Variants in DYNC2H1 observed in about 807,000 individuals in gnomAD.
The protein encoded by DYNC2H1 is cytoplasmic dynein 2 heavy chain 1.
A neutral mutation model predicts 570.0 loss-of-function variants in DYNC2H1; 410 were observed. The ratio of observed to expected loss-of-function variants is 0.72; its 90% CI spans 0.66 to 0.78. DYNC2H1 has a LOEUF of 0.78. Among genes scored for constraint, DYNC2H1 ranks in the 30% least tolerant of loss-of-function variants. DYNC2H1 has a pLI of 0.00. For synonymous variants in DYNC2H1, 1,688 were observed against 1,677.6 expected (o/e 1.01, Z -0.15); for missense variants, 4,865 against 5,046.4 (o/e 0.96, Z 1.09).
At chr11:103,340,022 G>A (rs1271850022) in intron 82 of DYNC2H1, among the ~76,000 whole-genome samples, 3 of 152,170 alleles carry the variant, frequency 2.0e-5, no homozygotes, top group African/African-American at 7.2e-5. Flanking sequence ...GTGCTATGAC[G>A]CCTGGGTTTG....
chr11:103,452,854 G>A (rs771598279), intron 85 of DYNC2H1, among the ~76,000 whole-genome samples: 12 of 151,948 alleles, frequency 7.9e-5, no homozygotes, highest in East Asian at 3.9e-4. Flanking sequence ...ATTTGAATTC[G>A]TAAATCCTAC....
At chr11:103,411,272 T>C (rs1433883865) in intron 84 of DYNC2H1, among the ~76,000 whole-genome samples, 2 of 152,088 alleles carry the variant, frequency 1.3e-5, no homozygotes, top group African/African-American at 2.4e-5. Flanking sequence ...TAGGGTATAA[T>C]TGATTTAGGC....
intron 84 of DYNC2H1, among the ~76,000 whole-genome samples, chr11:103,431,215 T>TAA (rs10645288): frequency 0.45 from 61,867 of 138,130 alleles, 13,697 homozygotes; most frequent in South Asian, 0.54. Flanking sequence ...TCATTTAGTT[T>TAA]AAAAAAAAAA....
intron 37 of DYNC2H1, among the ~76,000 whole-genome samples, chr11:103,176,717 A>T (rs1861833715): frequency 6.6e-6 from 1 of 151,736 alleles, no homozygotes; most frequent in South Asian, 2.1e-4. Flanking sequence ...TTTTATTTTT[A>T]TTTTTTGAGA....
intron 70 of DYNC2H1, among the ~76,000 whole-genome samples, chr11:103,276,782 C>G (rs1369228746): frequency 6.6e-6 from 1 of 152,016 alleles, no homozygotes; most frequent in African/African-American, 2.4e-5. Context: ...AGGTTTCCCT[C>G]TGTTATAAAC....
intron 46 of DYNC2H1, among the ~76,000 whole-genome samples, 186 bp from the exon 47 acceptor site, chr11:103,191,911 C>T (rs1862331929): frequency 6.6e-6 from 1 of 152,012 alleles, no homozygotes; most frequent in African/African-American, 2.4e-5. Context: ...TTAATGTCAT[C>T]TTTAAGTAAT....
Position 103,203,515 on chromosome 11 carries a change from A to C in DYNC2H1, c.8198-148A>C. 2 of 564,632 alleles carry C rather than the reference A, an allele frequency of 3.5e-6. No individual in the cohort carries two copies. Among genetic ancestry groups the C allele is most frequent in the South Asian group, 5.2e-5 (2 of 38,588 alleles). 35.0% of individuals were successfully genotyped at this position (564,632 alleles called of 1,614,324 possible). A position where few individuals can be genotyped will look rare whatever the true frequency, so the allele number is the denominator to read the frequency against. On this transcript the variant is annotated intron_variant, in intron 50 of 88. Coordinates refer to ENST00000375735, the MANE Select transcript of DYNC2H1 (RefSeq NM_001377.3). The surrounding 1 kb of genome is among the most constrained non-coding windows in gnomAD (Gnocchi z 4.7). ...GTTTGAATTTTATCAAATGAGGGCT[A>C]TAGATAAAGATTTGTGAGTCAAGTA... is the stretch of plus-strand genomic sequence containing the variant.
At chr11:103,471,321 G>A (rs898594199) in intron 88 of DYNC2H1, among the ~76,000 whole-genome samples, 2 of 152,100 alleles carry the variant, frequency 1.3e-5, no homozygotes, top group Non-Finnish European at 2.9e-5. Context: ...CTTTCAGAAT[G>A]TCTGTCCCAT....
chr11:103,171,005 A>C lies in DYNC2H1; in HGVS notation c.5271A>C (p.Gln1757His), dbSNP rs1398403879. 6.2e-7 allele frequency: 1 copy of C among 1,612,434 alleles called. No individual in the cohort carries two copies. Among genetic ancestry groups the C allele is most frequent in the Non-Finnish European group, 8.5e-7 (1 of 1,178,976 alleles). Residue 1757 changes from glutamine (Q) to histidine (H), a missense_variant, in exon 34 of 89, where the codon CAA (glutamine) becomes CAC (histidine). Physicochemically the swap from Gln to His is conservative, Grantham distance 24 (BLOSUM62 0). This residue lies in a region of DYNC2H1 where 292 missense variants were observed against 300.2 expected (regional missense o/e 0.97). Coordinates refer to ENST00000375735, the MANE Select transcript of DYNC2H1 (RefSeq NM_001377.3). The stretch of plus-strand genomic sequence containing the variant: ...CTGTACTGTCAGCAGTTTCTATGCA[A>C]ATCCAGACAATTCAAGATGCTTTGA... ...EESVLSAVSM[Q>H]IQTIQDALKN...
intron 47 of DYNC2H1, among the ~76,000 whole-genome samples, chr11:103,193,149 T>C (rs1862385770): frequency 6.6e-6 from 1 of 152,048 alleles, no homozygotes; most frequent in Non-Finnish European, 1.5e-5. Context: ...TGCTCCTGAG[T>C]TTTTGAATCA....
intron 82 of DYNC2H1, among the ~76,000 whole-genome samples, chr11:103,340,158 A>T (rs1355755442): frequency 6.6e-6 from 1 of 152,108 alleles, no homozygotes; most frequent in Non-Finnish European, 1.5e-5. Context: ...TTTTGTTTTT[A>T]AAATAGTGTT....
At position 103,165,930 on chromosome 11, in the gene DYNC2H1, T is replaced by C; in HGVS notation, c.4644T>C (p.Thr1548=). 2.6e-6 allele frequency: 4 copies of C among 1,513,580 alleles called. No homozygotes were observed. Among genetic ancestry groups the C allele is most frequent in the Non-Finnish European group, 3.5e-6 (4 of 1,131,160 alleles). The allele number at this position is 1,513,580 out of a possible 1,614,324, so 93.8% of individuals were successfully genotyped here. The stretch of plus-strand genomic sequence containing the variant: ...GCTTGGCGGAGCAGATTAAATTCAC[T>C]GAAGATGTAGAAAATGCTATTAAAG... ...ILCLAEQIKF[T]EDVENAIKDH... The change falls in exon 31 of 89, where the codon ACT becomes ACC. Residue 1548 remains threonine (T), a synonymous_variant. Coordinates refer to ENST00000375735, the MANE Select transcript of DYNC2H1 (RefSeq NM_001377.3).
rs374073337 is a variant in DYNC2H1, at chr11:103,120,964, C to T, written c.1288C>T (p.Arg430Cys). The change falls in exon 9 of 89, where the codon CGT (arginine) becomes TGT (cysteine). Residue 430 changes from arginine to cysteine, a missense_variant. Around this residue, in one of 5 missense-constraint regions of DYNC2H1, gnomAD observed 1,936 missense variants for 1,962.1 expected, o/e 0.99. Transcript: ENST00000375735. ...CCTGAAATATAAAGAGTTGGTAAAG[C>T]GTCCAACTATAAGCAAAGAATTGAT... ...AFLKYKELVK[R>C]PTISKELMLE... 3.0e-4 allele frequency: 473 copies of T among 1,567,584 alleles called. 1 individual carries two copies. The highest frequency in any genetic ancestry group is 1.9e-3 in the Middle Eastern group (11 of 5,884).
At chr11:103,263,989 T>C (rs969359574) in intron 70 of DYNC2H1, among the ~76,000 whole-genome samples, 1 of 149,062 alleles carries the variant, frequency 6.7e-6, no homozygotes, top group Admixed American at 6.7e-5. Flanking sequence ...GAGAGAAGAA[T>C]CAAATAGATG....
Position 103,154,786 on chromosome 11 carries a change from C to A in DYNC2H1, c.3550C>A (p.Gln1184Lys). The A allele has an allele frequency of 6.4e-7, 1 of 1,550,638 alleles. No individual in the cohort carries two copies. Among genetic ancestry groups the A allele is most frequent in the Non-Finnish European group, 8.7e-7 (1 of 1,148,590 alleles). ...EEHSVMTVKL[Q>K]SEVDKYKIVI... ...ACATTCAGTGATGACAGTGAAATTA[C>A]AATCAGAGGTTGACAAATATAAAGT... The change falls in exon 24 of 89, where the codon CAA becomes AAA. Residue 1184 changes from glutamine (Q) to lysine (K), a missense_variant. This residue lies in a region of DYNC2H1 where 1,936 missense variants were observed against 1,962.1 expected (regional missense o/e 0.99). Coordinates refer to ENST00000375735, the MANE Select transcript of DYNC2H1 (RefSeq NM_001377.3).
chr11:103,167,765 T>C (rs1861391944), intron 31 of DYNC2H1, among the ~76,000 whole-genome samples: 1 of 152,160 alleles, frequency 6.6e-6, no homozygotes, highest in South Asian at 2.1e-4. Context: ...CTGGAGAACA[T>C]TGATATTTTT....
chr11:103,227,584 C>G (rs2135172601), intron 59 of DYNC2H1, among the ~76,000 whole-genome samples: 1 of 152,084 alleles, frequency 6.6e-6, no homozygotes, highest in East Asian at 1.9e-4. Flanking sequence ...TGTACTGAGA[C>G]TTGTTTTGTG....
intron 82 of DYNC2H1, among the ~76,000 whole-genome samples, chr11:103,332,134 A>G (rs1345827095): frequency 6.6e-6 from 1 of 152,076 alleles, no homozygotes; most frequent in African/African-American, 2.4e-5. Flanking sequence ...TTTAGCAGAG[A>G]TATGGAAACT....
chr11:103,390,647 T>C (rs1942103694), intron 83 of DYNC2H1, among the ~76,000 whole-genome samples: 1 of 152,226 alleles, frequency 6.6e-6, no homozygotes, highest in Non-Finnish European at 1.5e-5. Context: ...AGTTGTTCCT[T>C]TCCATGTTGA....
Sources: allele counts gnomAD v4.1 joint callset (sites outside exome capture counted in the v4.1 genomes callset), GRCh38; gene constraint gnomAD v4.1.1; regional missense constraint gnomAD v4.1.1; non-coding constraint Gnocchi (gnomAD v3.1); transcripts MANE v1.5; gene names NCBI Gene and HGNC (gene_info 2026-07-23, HGNC 2026-07-21).